Variants in GALNT2 observed in about 807,000 individuals in gnomAD.
GALNT2 encodes polypeptide N-acetylgalactosaminyltransferase 2, also known as UDP-GalNAc:polypeptide N-acetylgalactosaminyltransferase 2.
Under a neutral mutation model 81.4 loss-of-function variants are expected in GALNT2, and 31 were observed. The ratio of observed to expected loss-of-function variants is 0.38; its 90% CI spans 0.29 to 0.51. The LOEUF (loss-of-function observed/expected upper bound fraction) is 0.51, where lower values mean the gene tolerates loss of function less well. GALNT2 is among the 20% of genes least tolerant of loss of function. The pLI is 0.87. For missense variants in GALNT2, 629 were observed against 765.7 expected, an observed-to-expected ratio of 0.82 and a Z score of 2.11; for synonymous variants, 303 against 287.4, an observed-to-expected ratio of 1.05 and a Z score of -0.55.
At chr1:230,217,626 A>G (rs996066540) in intron 3 of GALNT2, among the ~76,000 whole-genome samples, 57 of 152,206 alleles carry the variant, frequency 3.7e-4, no homozygotes, top group African/African-American at 1.3e-3. Context: ...TTCTTATAGT[A>G]TGGAGGTTGG....
At chr1:230,162,051 C>T (rs1479858656) in intron 1 of GALNT2, among the ~76,000 whole-genome samples, 2 of 152,248 alleles carry the variant, frequency 1.3e-5, no homozygotes, top group African/African-American at 4.8e-5. Flanking sequence ...AAAATCTTGG[C>T]GCTTCCAGTT....
chr1:230,186,333 A>C (rs1480673584), intron 2 of GALNT2, among the ~76,000 whole-genome samples: 1 of 152,116 alleles, frequency 6.6e-6, no homozygotes, highest in Non-Finnish European at 1.5e-5. Context: ...AGGAACTCTG[A>C]CTGGACGCAT....
intron 3 of GALNT2, among the ~76,000 whole-genome samples, chr1:230,210,750 T>C (rs2476313): frequency 6.6e-6 from 1 of 152,194 alleles, no homozygotes; most frequent in Non-Finnish European, 1.5e-5. Context: ...TGTATTCTTT[T>C]ATTTATTTTT....
chr1:230,126,122 A>G (rs1336148691), intron 1 of GALNT2, among the ~76,000 whole-genome samples: 1 of 152,210 alleles, frequency 6.6e-6, no homozygotes, highest in Non-Finnish European at 1.5e-5. Flanking sequence ...TTGAAGAATG[A>G]TGAGGTTCCC....
intron 1 of GALNT2, among the ~76,000 whole-genome samples, chr1:230,124,027 A>T (rs750652544): frequency 1.6e-4 from 24 of 152,368 alleles, no homozygotes; most frequent in Non-Finnish European, 2.6e-4. Context: ...GCATGTGGAT[A>T]GTGACGTGAG....
At chr1:230,114,246 C>G (rs1321526415) in intron 1 of GALNT2, among the ~76,000 whole-genome samples, 3 of 152,134 alleles carry the variant, frequency 2.0e-5, no homozygotes, top group Non-Finnish European at 2.9e-5. Flanking sequence ...GCGCCTCATT[C>G]TAGGGGGAGG....
chr1:230,112,385 G>GT (rs951621907), intron 1 of GALNT2, among the ~76,000 whole-genome samples: 12 of 133,910 alleles, frequency 9.0e-5, no homozygotes, highest in African/African-American at 2.2e-4. Context: ...GCCGGGGGAG[G>GT]GGGGGGGCCT....
At chr1:230,187,524 G>A (rs1487526557) in intron 2 of GALNT2, among the ~76,000 whole-genome samples, 1 of 152,128 alleles carries the variant, frequency 6.6e-6, no homozygotes, top group Non-Finnish European at 1.5e-5. Flanking sequence ...GTGACCCCTG[G>A]AGCCCTAGAG....
intron 1 of GALNT2, among the ~76,000 whole-genome samples, chr1:230,167,905 T>A (rs1377423666): frequency 2.0e-5 from 3 of 152,246 alleles, no homozygotes; most frequent in African/African-American, 7.2e-5. Context: ...TATTTTTAAA[T>A]TTTTAAAATG....
intron 1 of GALNT2, among the ~76,000 whole-genome samples, chr1:230,115,022 T>TTTTA (rs1660804854): frequency 6.6e-6 from 1 of 150,880 alleles, no homozygotes. Context: ...TTTTTTTTTT[T>TTTTA]TAAGATGGAG....
intron 2 of GALNT2, among the ~76,000 whole-genome samples, chr1:230,199,344 T>G (rs531082925): frequency 6.6e-6 from 1 of 152,314 alleles, no homozygotes; most frequent in Non-Finnish European, 1.5e-5. Flanking sequence ...TTTCCTGCCT[T>G]TGCCTCTGGG....
intron 8 of GALNT2, among the ~76,000 whole-genome samples, chr1:230,246,769 A>G (rs1171738468): frequency 6.6e-6 from 1 of 152,082 alleles, no homozygotes; most frequent in Non-Finnish European, 1.5e-5. Flanking sequence ...AGTTTCCTGT[A>G]TGTCCTCACC....
intron 2 of GALNT2, among the ~76,000 whole-genome samples, chr1:230,192,161 C>T (rs1663547826): frequency 6.6e-6 from 1 of 152,216 alleles, no homozygotes; most frequent in South Asian, 2.1e-4. Flanking sequence ...TGGTGTTTCG[C>T]TTCAATTTTC....
intron 15 of GALNT2, 49 bp downstream of exon 15, chr1:230,274,613 G>A: frequency 1.2e-6 from 2 of 1,609,396 alleles, no homozygotes; most frequent in Non-Finnish European, 1.7e-6. Context: ...CCAGACCAGG[G>A]TAGCCACGGC....
At chr1:230,155,093 G>A (rs144723305) in intron 1 of GALNT2, among the ~76,000 whole-genome samples, 49 of 152,234 alleles carry the variant, frequency 3.2e-4, no homozygotes, top group Middle Eastern at 3.4e-3. Flanking sequence ...AGGCTGCCCC[G>A]CGCCGCATGC....
At chr1:230,087,367 T>TA (rs899013472) in intron 1 of GALNT2, among the ~76,000 whole-genome samples, 2 of 152,204 alleles carry the variant, frequency 1.3e-5, no homozygotes, top group Non-Finnish European at 1.5e-5. Context: ...GCAGTAAAAT[T>TA]AAATTTCAAG....
chr1:230,110,293 G>C (rs767187628), intron 1 of GALNT2, among the ~76,000 whole-genome samples: 3 of 152,192 alleles, frequency 2.0e-5, no homozygotes, highest in Non-Finnish European at 4.4e-5. Flanking sequence ...GGGACCAAAA[G>C]GATCTCTGTC....
chr1:230,190,621 C>T (rs1001318286), intron 2 of GALNT2, among the ~76,000 whole-genome samples: 1 of 152,178 alleles, frequency 6.6e-6, no homozygotes, highest in South Asian at 2.1e-4. Flanking sequence ...GGCTCTGACT[C>T]CCTGATCGGG....
intron 2 of GALNT2, among the ~76,000 whole-genome samples, chr1:230,185,301 T>TGC (rs58067663): frequency 3.6e-4 from 46 of 126,118 alleles, no homozygotes; most frequent in South Asian, 8.6e-4. Context: ...TGTGTGTGTG[T>TGC]GCGCGCGTGT....
Sources: gnomAD v4.1 joint callset for allele counts (sites outside exome capture counted in the v4.1 genomes callset) on GRCh38, gnomAD v4.1.1 for gene constraint, MANE v1.5 for transcripts, NCBI Gene and HGNC (gene_info 2026-07-23, HGNC 2026-07-21) for gene names.